The following CTNNBIP1 variants were observed in gnomAD, a reference collection of about 807,000 sequenced individuals.
The protein encoded by CTNNBIP1 is catenin beta interacting protein 1.
CTNNBIP1 carries 7 observed loss-of-function variants against 11.8 expected under a neutral mutation model. The ratio of observed to expected loss-of-function variants is 0.60; its 90% CI spans 0.34 to 1.12. The LOEUF is 1.12. CTNNBIP1 is among the 50% of genes most tolerant of loss of function. The pLI is 0.03. For synonymous variants in CTNNBIP1, 58 were observed against 43.9 expected (o/e 1.32, Z -1.26); for missense variants, 101 against 113.4 (o/e 0.89, Z 0.50).
At chr1:9,852,799 C>T (rs1169963169) in intron 5 of CTNNBIP1, among the ~76,000 whole-genome samples, 2 of 152,220 alleles carry the variant, frequency 1.3e-5, no homozygotes, top group Admixed American at 1.3e-4. Context: ...TGTGGCCTTT[C>T]GCTCAGGGAC....
At chr1:9,902,733 T>C (rs1040557588) in intron 1 of CTNNBIP1, among the ~76,000 whole-genome samples, 9 of 152,140 alleles carry the variant, frequency 5.9e-5, no homozygotes, top group African/African-American at 1.9e-4. Context: ...CTTTTGGTCC[T>C]AGACTAAGAG....
At chr1:9,902,998 C>G (rs890860980) in intron 1 of CTNNBIP1, among the ~76,000 whole-genome samples, 4 of 152,194 alleles carry the variant, frequency 2.6e-5, no homozygotes, top group Non-Finnish European at 5.9e-5. Flanking sequence ...ATCTCCTGAC[C>G]TCGTGATCCG....
At chr1:9,862,704 A>C (rs558213874) in intron 5 of CTNNBIP1, among the ~76,000 whole-genome samples, 307 of 152,270 alleles carry the variant, frequency 2.0e-3, no homozygotes, top group African/African-American at 7.0e-3. Flanking sequence ...GCATTCTCCA[A>C]GGCCCCGTGC....
At chr1:9,906,792 C>T (rs1314912802) in intron 1 of CTNNBIP1, among the ~76,000 whole-genome samples, 1 of 152,150 alleles carries the variant, frequency 6.6e-6, no homozygotes, top group Non-Finnish European at 1.5e-5. Flanking sequence ...AAGACAGGGG[C>T]AGGGGCAGGA....
In CTNNBIP1 at chr1:9,867,387, G is replaced by A. The variant is rs1638769004; in HGVS notation, c.187+3800C>T. 2.0e-5 allele frequency among the ~76,000 whole-genome samples: 3 copies of A among 152,170 alleles called. No individual in the cohort carries two copies. Among genetic ancestry groups the A allele is most frequent in the South Asian group, 2.1e-4 (1 of 4,838 alleles). On this transcript the variant is annotated intron_variant, in intron 5 of 5. Transcript: ENST00000377263. This position sits in a 1 kb window ranked among gnomAD's most constrained non-coding sequence, Gnocchi z 4.6. ...AACAAATGTGACCGAGGAAGGAATCGAAGGGTAGGGGGTAAAGGGGTGCCC... is the reference window on the plus strand; with the variant it reads ...AACAAATGTGACCGAGGAAGGAATCAAAGGGTAGGGGGTAAAGGGGTGCCC...
chr1:9,908,347 G>A (rs574666098), intron 1 of CTNNBIP1, among the ~76,000 whole-genome samples: 2 of 143,778 alleles, frequency 1.4e-5, no homozygotes, highest in South Asian at 4.4e-4. Flanking sequence ...ATGAACCACT[G>A]AGTCCGCCCT....
intron 5 of CTNNBIP1, among the ~76,000 whole-genome samples, chr1:9,858,287 C>T (rs1638550279): frequency 6.6e-6 from 1 of 152,120 alleles, no homozygotes; most frequent in Non-Finnish European, 1.5e-5. Context: ...CAGCTCCTAC[C>T]ATGCCTTTGC....
chr1:9,890,842 GCTGA>G (rs1363690165), intron 1 of CTNNBIP1, among the ~76,000 whole-genome samples: 3 of 152,174 alleles, frequency 2.0e-5, no homozygotes, highest in African/African-American at 2.4e-5. Context: ...TCCCCAGCAA[GCTGA>G]CTAAGTCCCC....
Position 9,850,725 on chromosome 1 carries a change from C to T in CTNNBIP1, c.239G>A (p.Arg80Lys). 6.2e-7 allele frequency: 1 copy of T among 1,613,898 alleles called. No individual in the cohort carries two copies. The highest frequency in any genetic ancestry group is 8.5e-7 in the Non-Finnish European group (1 of 1,179,850). Residue 80 changes from arginine to lysine, a missense_variant, in exon 6 of 6, where the codon AGG (arginine) becomes AAG (lysine). Coordinates refer to ENST00000377263, the MANE Select transcript of CTNNBIP1 (RefSeq NM_020248.3). ...GTTCCAAGGGCTTTGCAGCTACTGC[C>T]TCCGGTCTTCCGTCTCCGACCTGGA... ...AFSRSETEDR[R>K]Q
intron 1 of CTNNBIP1, among the ~76,000 whole-genome samples, chr1:9,902,392 T>C (rs777192645): frequency 1.1e-4 from 16 of 152,188 alleles, no homozygotes; most frequent in Non-Finnish European, 2.2e-4. Context: ...TCTCCCTGAC[T>C]GAAACTCAAG....
intron 2 of CTNNBIP1, among the ~76,000 whole-genome samples, chr1:9,880,808 GCT>G (rs1447690119): frequency 6.6e-6 from 1 of 152,170 alleles, no homozygotes; most frequent in Non-Finnish European, 1.5e-5. Flanking sequence ...TTTCAGTTCT[GCT>G]CTGTCACTGA....
intron 1 of CTNNBIP1, among the ~76,000 whole-genome samples, chr1:9,898,036 AC>A (rs1639445859): frequency 6.6e-6 from 1 of 151,664 alleles, no homozygotes; most frequent in Non-Finnish European, 1.5e-5. Context: ...AATCGCTTGA[AC>A]CCAGAAGGCA....
At chr1:9,908,584 G>A (rs1438792051) in intron 1 of CTNNBIP1, among the ~76,000 whole-genome samples, 2 of 151,406 alleles carry the variant, frequency 1.3e-5, no homozygotes, top group African/African-American at 2.4e-5. Flanking sequence ...CCGTGGTCTC[G>A]ATCTCCTAAC....
At chr1:9,859,585 G>C (rs1334442186) in intron 5 of CTNNBIP1, among the ~76,000 whole-genome samples, 1 of 152,242 alleles carries the variant, frequency 6.6e-6, no homozygotes, top group Non-Finnish European at 1.5e-5. Context: ...CTCTTAAGCT[G>C]AAGTCTTTCA....
chr1:9,874,457 A>T (rs775213408), intron 3 of CTNNBIP1, among the ~76,000 whole-genome samples: 1 of 152,172 alleles, frequency 6.6e-6, no homozygotes, highest in South Asian at 2.1e-4. Context: ...GTTATGTTGC[A>T]CAGCCAGGTT....
intron 5 of CTNNBIP1, among the ~76,000 whole-genome samples, chr1:9,854,023 T>C (rs928863072): frequency 3.3e-5 from 5 of 152,032 alleles, no homozygotes; most frequent in African/African-American, 9.7e-5. Context: ...ACCATATCAA[T>C]AGGATAAAGG....
At position 9,885,488 on chromosome 1, in the gene CTNNBIP1, A is replaced by G. The variant is rs947348672; in HGVS notation, c.-143-1750T>C. On this transcript the variant is annotated intron_variant, in intron 1 of 5. Coordinates refer to ENST00000377263, the MANE Select transcript of CTNNBIP1 (RefSeq NM_020248.3). ...ATGAGACTCCGTCTCTACAAAAAAT[A>G]CAAAAGTTAGCTAGGTGTGGTGGCG... Among the ~76,000 whole-genome samples, 3 of 152,248 alleles carry G rather than the reference A, an allele frequency of 2.0e-5. No individual in the cohort carries two copies. The South Asian group carries it at 6.2e-4, about 32-fold the overall frequency.
At chr1:9,885,800 G>T (rs930748339) in intron 1 of CTNNBIP1, among the ~76,000 whole-genome samples, 2 of 152,022 alleles carry the variant, frequency 1.3e-5, no homozygotes, top group Non-Finnish European at 2.9e-5. Context: ...AAAATTAGCC[G>T]TGTTGGTAGT....
Position 9,894,631 on chromosome 1 carries a change from G to C in CTNNBIP1, c.-143-10893C>G, listed in dbSNP as rs554582676. Among the ~76,000 whole-genome samples, 139 of 151,822 alleles carry C rather than the reference G, an allele frequency of 9.2e-4. 1 individual carries two copies. The highest frequency in any genetic ancestry group is 3.2e-3 in the African/African-American group (132 of 41,392). ...CAACCTCCACCTCCCAGGCTTAAGCGATCCTCCCACCTCAGCCTCCCAAAT... is the reference window on the plus strand; with the variant it reads ...CAACCTCCACCTCCCAGGCTTAAGCCATCCTCCCACCTCAGCCTCCCAAAT... On this transcript the variant is annotated intron_variant, in intron 1 of 5. Coordinates refer to ENST00000377263, the MANE Select transcript of CTNNBIP1 (RefSeq NM_020248.3).
Sources: allele counts gnomAD v4.1 joint callset (sites outside exome capture counted in the v4.1 genomes callset), GRCh38; gene constraint gnomAD v4.1.1; non-coding constraint Gnocchi (gnomAD v3.1); transcripts MANE v1.5; gene names NCBI Gene and HGNC (gene_info 2026-07-23, HGNC 2026-07-21).